Variants in MICALL2 observed in about 807,000 individuals in gnomAD.
MICALL2 encodes the protein MICAL-like protein 2.
A neutral mutation model predicts 91.1 loss-of-function variants in MICALL2; 111 were observed. That is an observed-to-expected ratio of 1.22 (90% CI 1.04 to 1.43). The LOEUF (loss-of-function observed/expected upper bound fraction) is 1.43, where lower values mean the gene tolerates loss of function less well. MICALL2 is among the 40% of genes most tolerant of loss of function. MICALL2 has a pLI of 0.00. For missense variants in MICALL2, 1,556 were observed against 1,236.0 expected (o/e 1.26, Z -3.88); for synonymous variants, 694 against 525.3 (o/e 1.32, Z -4.39).
chr7:1,435,088 C>G lies in MICALL2; in HGVS notation c.2638+13G>C, dbSNP rs1779900423. On this transcript the variant is annotated intron_variant, in intron 16 of 16. Coordinates refer to ENST00000297508, the MANE Select transcript of MICALL2 (RefSeq NM_182924.4). ...CCAGCCAGCCCAGCCCTCAGCATCC[C>G]CGGCCCAGTCACCCAGCTTCTCAAT... 1 of 1,612,608 alleles carries G rather than the reference C, an allele frequency of 6.2e-7. No homozygotes were observed. The highest frequency in any genetic ancestry group is 1.3e-5 in the African/African-American group (1 of 74,842).
At chr7:1,439,062 C>T (rs1584201494) in intron 9 of MICALL2, 67 bp from the exon 10 acceptor site, 2 of 1,291,560 alleles carry the variant, frequency 1.5e-6, no homozygotes, top group Non-Finnish European at 2.1e-6. Context: ...GGGTCTGTCC[C>T]AGCACAGCCA....
Position 1,438,879 on chromosome 7 carries a change from T to C in MICALL2, c.2083A>G (p.Lys695Glu), listed in dbSNP as rs774630198. The C allele has an allele frequency of 1.9e-6, 3 of 1,610,786 alleles. No homozygotes were observed. Among genetic ancestry groups the C allele is most frequent in the Non-Finnish European group, 2.5e-6 (3 of 1,179,306 alleles). ...AGGTGAGGTTTCTTCTCCTCCTCCTTCCAGCTCTGCACTCGGGCTTCCTGG... is the reference window on the plus strand; with the variant it reads ...AGGTGAGGTTTCTTCTCCTCCTCCTCCCAGCTCTGCACTCGGGCTTCCTGG... ...PGQEARVQSW[K>E]EEEKKPHLQG... Residue 695 changes from lysine to glutamate, a missense_variant, in exon 10 of 17, where the codon AAG (lysine) becomes GAG (glutamate). Transcript: ENST00000297508.
In MICALL2 at chr7:1,437,558, A is replaced by G; in HGVS notation, c.2453T>C (p.Leu818Pro). 6.5e-7 allele frequency: 1 copy of G among 1,532,414 alleles called. No individual in the cohort carries two copies. The highest frequency in any genetic ancestry group is 8.7e-7 in the Non-Finnish European group (1 of 1,144,908). The allele number at this position is 1,532,414 out of a possible 1,614,324, so 94.9% of individuals were successfully genotyped here. ...EEQQLDIEGE[L>P]RRLMAKPEAL... ...ACCGGGCTTGGCCATGAGCCGGCGC[A>G]GCTCGCCCTCGATGTCCAGCTGCTG... Residue 818 changes from leucine to proline, a missense_variant, in exon 14 of 17, where the codon CTG becomes CCG. Coordinates refer to ENST00000297508, the MANE Select transcript of MICALL2 (RefSeq NM_182924.4).
intron 4 of MICALL2, 133 bp downstream of exon 4, chr7:1,447,442 A>G (rs1780649496): frequency 1.7e-6 from 1 of 590,154 alleles, no homozygotes. Flanking sequence ...GCTAAGGCTG[A>G]GCCCTGGACT....
chr7:1,442,151 G>A (rs1780312548), intron 7 of MICALL2, 41 bp downstream of exon 7: 3 of 1,602,474 alleles, frequency 1.9e-6, no homozygotes, highest in South Asian at 1.1e-5. Context: ...TCCCAGAGCT[G>A]CGGGCCCCCG....
At position 1,435,986 on chromosome 7, in the gene MICALL2, A is replaced by G. The variant is rs868024250; in HGVS notation, c.2591+756T>C. 3.4e-5 allele frequency among the ~76,000 whole-genome samples: 5 copies of G among 148,130 alleles called. No homozygotes were observed. The Middle Eastern group carries it at 0.014, about 403-fold the overall frequency. Reference sequence around the variant, plus strand: ...AGAATGGCATGAACCCTGGAGGCAGAGCTTGCAGTGAGCCGAGATTGCGGC... The same window carrying G: ...AGAATGGCATGAACCCTGGAGGCAGGGCTTGCAGTGAGCCGAGATTGCGGC... On this transcript the variant is annotated intron_variant, in intron 15 of 16. Coordinates refer to ENST00000297508, the MANE Select transcript of MICALL2 (RefSeq NM_182924.4).
rs573399928 is a variant in MICALL2 at position 1,459,301 on chromosome 7, T to C, written c.26A>G (p.Gln9Arg). 522 of 1,584,620 alleles carry C rather than the reference T, an allele frequency of 3.3e-4. 15 individuals are homozygous for C. The South Asian group carries it at 4.2e-3, about 13-fold the overall frequency. MAAIRALQQWCRQQCEGYR... is the reference protein window; with the variant it reads MAAIRALQRWCRQQCEGYR... Reference sequence around the variant, plus strand: ...GCCCTCGCACTGCTGCCGGCACCACTGTTGCAGCGCCCTGATGGCCGCCAT... The same window carrying C: ...GCCCTCGCACTGCTGCCGGCACCACCGTTGCAGCGCCCTGATGGCCGCCAT... Residue 9 changes from glutamine (Q) to arginine (R), a missense_variant, in exon 1 of 17, where the codon CAG becomes CGG. Gln to Arg is a conservative substitution (Grantham distance 43). Transcript: ENST00000297508.
Position 1,445,366 on chromosome 7 carries a change from G to A in MICALL2, c.704C>T (p.Thr235Ile). Reference sequence around the variant, plus strand: ...GGGGAGGTGGCTGGTGCAGACGAAGGTGCCCGGCTCTCCTGTGGCCTTGTA... The same window carrying A: ...GGGGAGGTGGCTGGTGCAGACGAAGATGCCCGGCTCTCCTGTGGCCTTGTA... ...GAYKATGEPGTFVCTSHLPAA... is the reference protein window; with the variant it reads ...GAYKATGEPGIFVCTSHLPAA... The change falls in exon 6 of 17, where the codon ACC (threonine) becomes ATC (isoleucine). Residue 235 changes from threonine to isoleucine, a missense_variant. Coordinates refer to ENST00000297508, the MANE Select transcript of MICALL2 (RefSeq NM_182924.4). The A allele has an allele frequency of 1.3e-6, 2 of 1,590,666 alleles. No homozygotes were observed. The highest frequency in any genetic ancestry group is 3.4e-5 in the Admixed American group (2 of 58,154).
rs771879272 is a variant in MICALL2, at chr7:1,444,858, T to C, written c.1212A>G (p.Pro404=). The part of the protein sequence containing the change: ...SSTSAATVDP[P]AWTPSASRTQ... Reference sequence around the variant, plus strand: ...TCCTGGAGGCGGACGGGGTCCAGGCTGGGGGGTCCACCGTGGCTGCAGATG... The same window carrying C: ...TCCTGGAGGCGGACGGGGTCCAGGCCGGGGGGTCCACCGTGGCTGCAGATG... The change falls in exon 6 of 17, where the codon CCA becomes CCG. Residue 404 remains proline (P), a synonymous_variant. Coordinates refer to ENST00000297508, the MANE Select transcript of MICALL2 (RefSeq NM_182924.4). The C allele has an allele frequency of 6.2e-6, 10 of 1,603,296 alleles. No homozygotes were observed. The highest frequency in any genetic ancestry group is 7.6e-6 in the Non-Finnish European group (9 of 1,176,994).
chr7:1,439,636 C>T (rs904365918), intron 9 of MICALL2: 4 of 351,816 alleles, frequency 1.1e-5, no homozygotes, highest in Non-Finnish European at 2.0e-5. Context: ...GACACATGGA[C>T]ATGCATCACG....
rs1779856108 is a variant in MICALL2 at position 1,434,449 on chromosome 7, C to T, written c.*147G>A. The T allele has an allele frequency of 2.7e-6, 2 of 734,394 alleles. No homozygotes were observed. Among genetic ancestry groups the T allele is most frequent in the Non-Finnish European group, 4.9e-6 (2 of 408,640 alleles). The allele number at this position is 734,394 out of a possible 1,614,324, so 45.5% of individuals were successfully genotyped here. On this transcript the variant is annotated 3_prime_UTR_variant, in exon 17 of 17. Coordinates refer to ENST00000297508, the MANE Select transcript of MICALL2 (RefSeq NM_182924.4). Reference sequence around the variant, plus strand: ...CATGCCCCTTGTAGGGACAGGAGGCCCTTCCCGAGTCCAAGTCCGAATGCC... The same window carrying T: ...CATGCCCCTTGTAGGGACAGGAGGCTCTTCCCGAGTCCAAGTCCGAATGCC...
chr7:1,447,828 C>A, intron 3 of MICALL2, 63 bp from the exon 4 acceptor site: 1 of 1,271,144 alleles, frequency 7.9e-7, no homozygotes, highest in Non-Finnish European at 1.1e-6. Context: ...TCTAGTCCCT[C>A]CAGAGGTCCC....
intron 14 of MICALL2, 136 bp downstream of exon 14, chr7:1,437,399 A>G: frequency 4.0e-6 from 3 of 748,584 alleles, no homozygotes; most frequent in East Asian, 3.0e-5. Flanking sequence ...TTGAAACTCA[A>G]ACGTGGGCTC....
intron 6 of MICALL2, among the ~76,000 whole-genome samples, chr7:1,443,602 A>C (rs1206632236): frequency 6.6e-6 from 1 of 152,226 alleles, no homozygotes; most frequent in Non-Finnish European, 1.5e-5. Context: ...ACCCTAGTCC[A>C]ACAACCATGT....
chr7:1,445,114 G>C lies in MICALL2; in HGVS notation c.956C>G (p.Pro319Arg). Residue 319 changes from proline (P) to arginine (R), a missense_variant, in exon 6 of 17, where the codon CCA becomes CGA. By Grantham distance (103) the Pro-to-Arg change is moderately radical. Coordinates refer to ENST00000297508, the MANE Select transcript of MICALL2 (RefSeq NM_182924.4). Reference sequence around the variant, plus strand: ...CAGGCGGCTCTCAGAGGGCCTGGCTGGGCTCCTCACGTGGACGGACGTGGC... The same window carrying C: ...CAGGCGGCTCTCAGAGGGCCTGGCTCGGCTCCTCACGTGGACGGACGTGGC... ...TSATSVHVRS[P>R]ARPSESRLAP... is the part of the protein sequence containing the mutation. The C allele has an allele frequency of 6.4e-7, 1 of 1,556,638 alleles. No individual in the cohort carries two copies. The highest frequency in any genetic ancestry group is 8.7e-7 in the Non-Finnish European group (1 of 1,151,166).
chr7:1,437,168 GCCTGTGCCCTCAGC>G lies in MICALL2; in HGVS notation c.2477-326_2477-313del, dbSNP rs1780012277. ...GAAAGGGCAGAGGCAGACGGCCTGG[GCCTGTGCCCTCAGC>G]CAGGGCACCCTGCATCACGAGACAA... On this transcript the variant is annotated intron_variant, in intron 14 of 16. Transcript: ENST00000297508. 17 of 483,686 alleles carry G rather than the reference GCCTGTGCCCTCAGC, an allele frequency of 3.5e-5. No homozygotes were observed. In the East Asian group the frequency reaches 6.5e-4, roughly 18 times the overall value. 30.0% of individuals were successfully genotyped at this position (483,686 alleles called of 1,614,324 possible). A position where few individuals can be genotyped will look rare whatever the true frequency, so the allele number is the denominator to read the frequency against.
At chr7:1,434,980 T>TGGCCCCCCCCC in intron 16 of MICALL2, 121 bp downstream of exon 16, 2 of 628,928 alleles carry the variant, frequency 3.2e-6, no homozygotes, top group Non-Finnish European at 5.6e-6. Context: ...GGGGACCCGA[T>TGGCCCCCCCCC]ACCCGCCCCC....
chr7:1,446,962 C>A, intron 4 of MICALL2, 134 bp from the exon 5 acceptor site: 1 of 654,296 alleles, frequency 1.5e-6, no homozygotes, highest in East Asian at 2.9e-5. Context: ...AGCAGGGCTG[C>A]GGTCGGGGTC....
chr7:1,439,193 A>C, intron 9 of MICALL2, 198 bp from the exon 10 acceptor site: 1 of 550,066 alleles, frequency 1.8e-6, no homozygotes, highest in South Asian at 2.4e-5. Flanking sequence ...CAGGGGGCTA[A>C]CCCACGGGGC....
Sources: allele counts gnomAD v4.1 joint callset (sites outside exome capture counted in the v4.1 genomes callset), GRCh38; gene constraint gnomAD v4.1.1; transcripts MANE v1.5; gene names NCBI Gene and HGNC (gene_info 2026-07-23, HGNC 2026-07-21).